Variants in SORCS1 observed in about 807,000 individuals in gnomAD.
The protein encoded by SORCS1 is VPS10 domain-containing receptor SorCS1.
Under a neutral mutation model 146.1 loss-of-function variants are expected in SORCS1, and 60 were observed. The observed-to-expected ratio is 0.41, with a 90% CI of 0.33 to 0.51. The LOEUF (loss-of-function observed/expected upper bound fraction) is 0.51, where lower values mean the gene tolerates loss of function less well. Ranked by LOEUF, SORCS1 falls within the 20% of genes least tolerant of loss-of-function variation. SORCS1 has a pLI of 0.21. For missense variants in SORCS1, 1,352 were observed against 1,487.6 expected, an observed-to-expected ratio of 0.91 and a Z score of 1.50; for synonymous variants, 637 against 584.0, an observed-to-expected ratio of 1.09 and a Z score of -1.31.
At chr10:106,921,188 GCT>G (rs746773743) in intron 2 of SORCS1, among the ~76,000 whole-genome samples, 1 of 152,144 alleles carries the variant, frequency 6.6e-6, no homozygotes, top group Non-Finnish European at 1.5e-5. Flanking sequence ...TACAGGTAAA[GCT>G]CTCTTGAAGC....
chr10:106,739,691 G>A (rs7917936), intron 5 of SORCS1, among the ~76,000 whole-genome samples: 118,174 of 150,780 alleles, frequency 0.78, 47,112 homozygotes, highest in Non-Finnish European at 0.87. Context: ...GGTGGCGAGC[G>A]CCGTAATCCC....
intron 1 of SORCS1, among the ~76,000 whole-genome samples, chr10:107,015,407 G>C (rs1957857727): frequency 6.6e-6 from 1 of 152,158 alleles, no homozygotes; most frequent in African/African-American, 2.4e-5. Flanking sequence ...TCATTCAGAA[G>C]GTGGTATTTG....
intron 2 of SORCS1, among the ~76,000 whole-genome samples, chr10:106,953,946 C>G (rs1180432043): frequency 1.3e-5 from 2 of 152,190 alleles, no homozygotes; most frequent in African/African-American, 4.8e-5. Flanking sequence ...CCAGATTTCA[C>G]CCAAGTAGAC....
chr10:106,588,888 A>AG (rs1845418066), intron 24 of SORCS1, among the ~76,000 whole-genome samples: 1 of 148,542 alleles, frequency 6.7e-6, no homozygotes, highest in Non-Finnish European at 1.5e-5. Context: ...AAAAAAAAAA[A>AG]AAGAAGATTC....
intron 1 of SORCS1, among the ~76,000 whole-genome samples, chr10:106,958,325 T>C (rs1341044226): frequency 6.6e-6 from 1 of 152,202 alleles, no homozygotes; most frequent in African/African-American, 2.4e-5. Flanking sequence ...TGACATTGAT[T>C]TCCTGAATTC....
chr10:106,974,465 A>G (rs749547414), intron 1 of SORCS1, among the ~76,000 whole-genome samples: 1 of 152,128 alleles, frequency 6.6e-6, no homozygotes, highest in Admixed American at 6.5e-5. Flanking sequence ...TGGAGAGTGA[A>G]TATGGTGATG....
chr10:106,590,418 G>T (rs1244078057), intron 24 of SORCS1, among the ~76,000 whole-genome samples: 1 of 152,084 alleles, frequency 6.6e-6, no homozygotes, highest in Non-Finnish European at 1.5e-5. Flanking sequence ...TTCAAAGTAA[G>T]GCATAGAGTC....
intron 1 of SORCS1, among the ~76,000 whole-genome samples, chr10:106,963,053 T>C (rs1307540334): frequency 6.6e-6 from 1 of 150,408 alleles, no homozygotes; most frequent in Non-Finnish European, 1.5e-5. Context: ...TTTGGAATAA[T>C]CTTTCATGAG....
Position 106,876,520 on chromosome 10 carries a change from G to A in SORCS1, c.627-46847C>T, listed in dbSNP as rs369066030. Among the ~76,000 whole-genome samples the A allele has an allele frequency of 1.6e-4, 24 of 152,308 alleles. 1 individual carries two copies. The South Asian group carries it at 3.3e-3, about 21-fold the overall frequency. On this transcript the variant is annotated intron_variant, in intron 2 of 25. Transcript: ENST00000263054. ...AGCACACTGCTGGAGATTAATGCCA[G>A]TCTGGTTGCTCTAGGGAATGCCCTC...
At chr10:106,772,069 G>T (rs1268054300) in intron 4 of SORCS1, among the ~76,000 whole-genome samples, 1 of 152,120 alleles carries the variant, frequency 6.6e-6, no homozygotes, top group Non-Finnish European at 1.5e-5. Context: ...AACTTATCTG[G>T]GTATATCTGT....
intron 2 of SORCS1, among the ~76,000 whole-genome samples, chr10:106,841,323 A>T (rs1339606030): frequency 6.6e-6 from 1 of 152,132 alleles, no homozygotes; most frequent in East Asian, 2.0e-4. Context: ...TACAAAAACT[A>T]GCCTGGTGTG....
Position 107,152,645 on chromosome 10 carries a change from T to C in SORCS1, c.558+11324A>G, listed in dbSNP as rs925590523. 3.6e-4 allele frequency among the ~76,000 whole-genome samples: 55 copies of C among 152,166 alleles called. 1 individual carries two copies. Among genetic ancestry groups the C allele is most frequent in the Admixed American group, 3.6e-3 (55 of 15,278 alleles). On this transcript the variant is annotated intron_variant, in intron 1 of 25. Coordinates refer to ENST00000263054, the MANE Select transcript of SORCS1 (RefSeq NM_052918.5). ...CCCACTTCACTCTGCACCTCTCTCT[T>C]CTGCTGTCACATGAAGAAGGATCTG...
chr10:107,164,137 T>A lies in SORCS1; in HGVS notation c.390A>T (p.Gly130=). 2.5e-6 allele frequency: 4 copies of A among 1,613,236 alleles called. No homozygotes were observed. Among genetic ancestry groups the A allele is most frequent in the Non-Finnish European group, 3.4e-6 (4 of 1,179,974 alleles). Residue 130 remains glycine (G), a synonymous_variant, in exon 1 of 26, where the codon GGA becomes GGT. Coordinates refer to ENST00000263054, the MANE Select transcript of SORCS1 (RefSeq NM_052918.5). The surrounding 1 kb of genome is among the most constrained non-coding windows in gnomAD (Gnocchi z 6.8). ...RGEGASRSPR[G]VLRDGGQQEP... ...CCTGCTGCCCTCCATCTCTTAGCAC[T>A]CCCCGGGGGCTCCGACTCGCGCCCT...
intron 1 of SORCS1, among the ~76,000 whole-genome samples, chr10:106,963,306 A>G (rs938496002): frequency 1.3e-4 from 20 of 151,652 alleles, no homozygotes; most frequent in Non-Finnish European, 2.4e-4. Flanking sequence ...TAGTAGAGAC[A>G]GGGTTTCACC....
intron 5 of SORCS1, among the ~76,000 whole-genome samples, chr10:106,755,090 T>A (rs1858535597): frequency 6.6e-6 from 1 of 152,208 alleles, no homozygotes; most frequent in Admixed American, 6.5e-5. Context: ...CTCACCATCC[T>A]CCAGTAGAGA....
chr10:106,749,962 C>T (rs891227937), intron 5 of SORCS1, among the ~76,000 whole-genome samples: 1 of 152,292 alleles, frequency 6.6e-6, no homozygotes, highest in Admixed American at 6.5e-5. Flanking sequence ...GACTCCAGAA[C>T]TCCAATTTTT....
chr10:107,177,872 C>G, the SORCS1 span, among the ~76,000 whole-genome samples: 1 of 152,084 alleles, frequency 6.6e-6, no homozygotes, highest in Non-Finnish European at 1.5e-5. Context: ...GAGCTGAAAG[C>G]CATTATTCTC....
chr10:107,174,583 T>G, the SORCS1 span, among the ~76,000 whole-genome samples: 1 of 152,198 alleles, frequency 6.6e-6, no homozygotes, highest in Non-Finnish European at 1.5e-5. Context: ...TTATCTTAAT[T>G]TTTAATTGAT....
chr10:106,816,280 C>T (rs966998745), intron 3 of SORCS1, among the ~76,000 whole-genome samples: 20 of 152,222 alleles, frequency 1.3e-4, no homozygotes, highest in African/African-American at 4.1e-4. Context: ...CTACAATGAA[C>T]ATCTGTGATT....
Sources: gnomAD v4.1 joint callset for allele counts (sites outside exome capture counted in the v4.1 genomes callset) on GRCh38, gnomAD v4.1.1 for gene constraint, Gnocchi (gnomAD v3.1) non-coding constraint, MANE v1.5 for transcripts, NCBI Gene and HGNC (gene_info 2026-07-23, HGNC 2026-07-21) for gene names.